MAP1LC3C: variants seen among roughly 807,000 people sequenced by gnomAD.
The protein encoded by MAP1LC3C is microtubule associated protein 1 light chain 3 gamma, also known as microtubule-associated protein 1 light chain 3 gamma.
MAP1LC3C carries 12 observed loss-of-function variants against 10.4 expected under a neutral mutation model. The observed-to-expected ratio is 1.15, with a 90% CI of 0.74 to 1.86. MAP1LC3C has a LOEUF of 1.86. Among genes scored for constraint, MAP1LC3C ranks in the 40% most tolerant of loss-of-function variants. The probability of loss-of-function intolerance (pLI) is 0.00; values close to 1 mark genes in which losing one functional copy is unlikely to be tolerated. For missense variants in MAP1LC3C, 177 were observed against 185.7 expected (o/e 0.95, Z 0.27); for synonymous variants, 70 against 69.0 (o/e 1.01, Z -0.07).
upstream of MAP1LC3C, among the ~76,000 whole-genome samples, chr1:241,999,930 T>C (rs963573694): frequency 9.2e-5 from 14 of 152,202 alleles, no homozygotes; most frequent in Non-Finnish European, 1.8e-4. Flanking sequence ...GAAGGACAAT[T>C]GTCCCCAAGA....
At chr1:241,999,176 T>G, upstream of MAP1LC3C, 2 of 1,303,200 alleles carry the variant, frequency 1.5e-6, no homozygotes, top group Non-Finnish European at 2.0e-6. Flanking sequence ...CTCTCCCCAC[T>G]CCCCCTCCCT....
In MAP1LC3C at chr1:241,999,012, A is replaced by G. The variant is rs375930665; in HGVS notation, c.-4T>C. ...GGATTTTCTGTGGAGGCGGCATTGCACTCAGTAGCTGTGTCTGTTTTAAAA... is the reference window on the plus strand; with the variant it reads ...GGATTTTCTGTGGAGGCGGCATTGCGCTCAGTAGCTGTGTCTGTTTTAAAA... On this transcript the variant is annotated 5_prime_UTR_variant, in exon 1 of 4. Coordinates refer to ENST00000357246, the MANE Select transcript of MAP1LC3C (RefSeq NM_001004343.3). 295 of 1,606,210 alleles carry G rather than the reference A, an allele frequency of 1.8e-4. 1 individual carries two copies. The highest frequency in any genetic ancestry group is 1.7e-4 in the Non-Finnish European group (200 of 1,178,352).
upstream of MAP1LC3C, chr1:241,999,224 C>A (rs970906041): frequency 4.6e-6 from 2 of 435,312 alleles, no homozygotes; most frequent in Non-Finnish European, 6.1e-6. Context: ...AATGGAATCG[C>A]CACCTGCTTG....
At chr1:241,998,422 C>T (rs1665130162) in intron 3 of MAP1LC3C, 92 bp downstream of exon 3, 2 of 1,031,332 alleles carry the variant, frequency 1.9e-6, no homozygotes, top group Non-Finnish European at 3.0e-6. Flanking sequence ...GACGTGCCCC[C>T]ATCCCCAAAA....
upstream of MAP1LC3C, among the ~76,000 whole-genome samples, chr1:242,000,129 A>G (rs993810238): frequency 6.6e-6 from 1 of 152,126 alleles, no homozygotes; most frequent in African/African-American, 2.4e-5. Flanking sequence ...GTGTCCTCCA[A>G]TCCAACTCTG....
upstream of MAP1LC3C, among the ~76,000 whole-genome samples, chr1:241,999,985 G>A (rs142903395): frequency 2.2e-3 from 338 of 152,162 alleles, 1 homozygote; most frequent in Middle Eastern, 6.8e-3. Flanking sequence ...TCATACATAG[G>A]GGAAACCAAA....
chr1:242,000,556 T>A (rs1349515583), upstream of MAP1LC3C, among the ~76,000 whole-genome samples: 1 of 152,178 alleles, frequency 6.6e-6, no homozygotes, highest in Non-Finnish European at 1.5e-5. Context: ...GCTTCTGATC[T>A]ATGGGACATA....
rs773266049 is a variant in MAP1LC3C at position 241,998,765 on chromosome 1, T to C, written c.114+11A>G. The C allele has an allele frequency of 1.2e-6, 2 of 1,611,234 alleles. No homozygotes were observed. Among genetic ancestry groups the C allele is most frequent in the Non-Finnish European group, 1.7e-6 (2 of 1,177,786 alleles). ...CCCACGCCCCCCAGCGGAAGTCCAG[T>C]GGTGTCTTACCGGGATTTTGTTGGG... is the stretch of plus-strand genomic sequence containing the variant. On this transcript the variant is annotated intron_variant, in intron 2 of 3. Transcript: ENST00000357246.
At chr1:241,997,858 C>T (rs778636050) in intron 3 of MAP1LC3C, among the ~76,000 whole-genome samples, 29 of 151,994 alleles carry the variant, frequency 1.9e-4, no homozygotes, top group African/African-American at 3.4e-4. Flanking sequence ...CTGCAACGGA[C>T]GCGCAGACTC....
intron 3 of MAP1LC3C, among the ~76,000 whole-genome samples, chr1:241,996,845 A>G (rs1164635829): frequency 7.6e-6 from 1 of 131,652 alleles, no homozygotes; most frequent in Admixed American, 8.8e-5. Context: ...CAGGAGGCGG[A>G]GGTTGCAGTG....
At position 241,998,752 on chromosome 1, in the gene MAP1LC3C, A is replaced by G. The variant is rs777082561; in HGVS notation, c.114+24T>C. The G allele has an allele frequency of 2.5e-6, 4 of 1,594,532 alleles. No homozygotes were observed. In the Admixed American group the frequency reaches 6.7e-5, roughly 27 times the overall value. Reference sequence around the variant, plus strand: ...TCGGAACCCCACCCCCACGCCCCCCAGCGGAAGTCCAGTGGTGTCTTACCG... The same window carrying G: ...TCGGAACCCCACCCCCACGCCCCCCGGCGGAAGTCCAGTGGTGTCTTACCG... On this transcript the variant is annotated intron_variant, in intron 2 of 3. Coordinates refer to ENST00000357246, the MANE Select transcript of MAP1LC3C (RefSeq NM_001004343.3).
chr1:241,999,142 C>T, upstream of MAP1LC3C: 1 of 1,431,290 alleles, frequency 7.0e-7, no homozygotes, highest in African/African-American at 1.4e-5. Flanking sequence ...GGCTGAGTGA[C>T]ATCAGGCCTC....
At position 241,996,147 on chromosome 1, in the gene MAP1LC3C, T is replaced by C. The variant is rs562859017; in HGVS notation, c.*16A>G. 1 of 1,605,992 alleles carries C rather than the reference T, an allele frequency of 6.2e-7. No individual in the cohort carries two copies. The highest frequency in any genetic ancestry group is 2.2e-5 in the East Asian group (1 of 44,728). On this transcript the variant is annotated 3_prime_UTR_variant, in exon 4 of 4. Transcript: ENST00000357246. ...TCTGACACGTCTGTCAGAGCACACATCCTTCCCGACATGGGCTAGAGAGGA... is the reference window on the plus strand; with the variant it reads ...TCTGACACGTCTGTCAGAGCACACACCCTTCCCGACATGGGCTAGAGAGGA...
chr1:241,998,488 TCCGG>T, intron 3 of MAP1LC3C, 22 bp downstream of exon 3: 1 of 1,605,378 alleles, frequency 6.2e-7, no homozygotes, highest in South Asian at 1.1e-5. Context: ...CGCACCTTCC[TCCGG>T]GGCACGCTCT....
chr1:242,001,301 A>G (rs1665192573), upstream of MAP1LC3C, among the ~76,000 whole-genome samples: 1 of 151,544 alleles, frequency 6.6e-6, no homozygotes, highest in South Asian at 2.1e-4. Context: ...ATAAAAAAAG[A>G]CACTTACCAC....
chr1:241,998,021 C>CTTTTTTTTTTTTTTTTT (rs58237405), intron 3 of MAP1LC3C, among the ~76,000 whole-genome samples: 5 of 95,414 alleles, frequency 5.2e-5, no homozygotes, highest in African/African-American at 1.3e-4. Context: ...TAGAGTAATT[C>CTTTTTTTTTTTTTTTTT]TTTTTTTTTT....
upstream of MAP1LC3C, among the ~76,000 whole-genome samples, chr1:242,001,137 C>T (rs189544460): frequency 1.4e-3 from 206 of 152,040 alleles, no homozygotes; most frequent in African/African-American, 4.8e-3. Flanking sequence ...ATTAGCTGGG[C>T]GTTGTGGTGG....
chr1:242,000,377 T>C (rs550667290), upstream of MAP1LC3C, among the ~76,000 whole-genome samples: 1 of 152,274 alleles, frequency 6.6e-6, no homozygotes, highest in South Asian at 2.1e-4. Flanking sequence ...TACAGGCACA[T>C]GACACCATGC....
intron 2 of MAP1LC3C, 77 bp from the exon 3 acceptor site, chr1:241,998,697 T>G (rs1460009308): frequency 1.2e-6 from 2 of 1,609,838 alleles, no homozygotes; most frequent in Non-Finnish European, 1.7e-6. Flanking sequence ...GGGAAGCTGT[T>G]GGCTGCTCTT....
Sources: gnomAD v4.1 joint callset for allele counts (sites outside exome capture counted in the v4.1 genomes callset) on GRCh38, gnomAD v4.1.1 for gene constraint, MANE v1.5 for transcripts, NCBI Gene and HGNC (gene_info 2026-07-23, HGNC 2026-07-21) for gene names.